The following EIF3CL variants were observed in gnomAD, a reference collection of about 807,000 sequenced individuals.
The protein encoded by EIF3CL is eukaryotic translation initiation factor 3 subunit C-like protein.
For synonymous variants in EIF3CL, 2 were observed against 19.6 expected, an observed-to-expected ratio of 0.10 and a Z score of 2.37; for missense variants, 5 against 56.1, an observed-to-expected ratio of 0.09 and a Z score of 2.91.
At chr16:28,386,811 T>C (rs2045606400) in intron 15 of EIF3CL, among the ~76,000 whole-genome samples, 1 of 66,266 alleles carries the variant, frequency 1.5e-5, no homozygotes. Flanking sequence ...ACACACCCCC[T>C]AAAAGATACA....
At chr16:28,416,985 G>A in the EIF3CL span, among the ~76,000 whole-genome samples, 39 of 94,576 alleles carry the variant, frequency 4.1e-4, no homozygotes, top group African/African-American at 1.4e-3. Flanking sequence ...CGCTCTGCCC[G>A]GCCAGCCGCC....
chr16:28,416,867 C>T, the EIF3CL span, among the ~76,000 whole-genome samples: 1 of 90,284 alleles, frequency 1.1e-5, no homozygotes, highest in African/African-American at 4.0e-5. Flanking sequence ...GCCAGCCGCC[C>T]CGTCCGGGAG....
At chr16:28,403,133 T>A (rs1344427392) in intron 2 of EIF3CL, among the ~76,000 whole-genome samples, 2 of 138,348 alleles carry the variant, frequency 1.4e-5, no homozygotes, top group Non-Finnish European at 3.2e-5. Flanking sequence ...GACTTCAGAG[T>A]CGCATCAGGG....
chr16:28,405,902 T>TACAC (rs534198201), upstream of EIF3CL, among the ~76,000 whole-genome samples: 1 of 61,362 alleles, frequency 1.6e-5, no homozygotes, highest in East Asian at 3.3e-4. Context: ...CACACACACA[T>TACAC]ACACACACAC....
In EIF3CL at chr16:28,384,153, T is replaced by G. The variant is rs1055409015; in HGVS notation, c.1822-672A>C. 2.9e-4 allele frequency among the ~76,000 whole-genome samples: 17 copies of G among 59,406 alleles called. 1 individual carries two copies. Among genetic ancestry groups the G allele is most frequent in the African/African-American group, 6.8e-4 (15 of 21,968 alleles). The allele number at this position is 59,406 out of a possible 152,430, so 39.0% of individuals were successfully genotyped here. A position where few individuals can be genotyped will look rare whatever the true frequency, so the allele number is the denominator to read the frequency against. The stretch of plus-strand genomic sequence containing the variant: ...GCGAGCACCAGCCATTTATGAGTTT[T>G]TTTTTTTTTTTTTTTTTGGAGACGG... On this transcript the variant is annotated intron_variant, in intron 15 of 20. Coordinates refer to ENST00000380876, the MANE Select transcript of EIF3CL (RefSeq NM_001317857.2).
At chr16:28,416,860 AG>A in the EIF3CL span, among the ~76,000 whole-genome samples, 1 of 79,186 alleles carries the variant, frequency 1.3e-5, no homozygotes, top group African/African-American at 4.5e-5. Context: ...CTGCCCGGCC[AG>A]CCGCCCCGTC....
At chr16:28,417,284 C>T in the EIF3CL span, among the ~76,000 whole-genome samples, 56 of 149,120 alleles carry the variant, frequency 3.8e-4, no homozygotes, top group African/African-American at 1.4e-3. Context: ...TGAGGAGCCC[C>T]TCTGACCGGC....
chr16:28,387,686 C>T (rs1283124346), intron 15 of EIF3CL, among the ~76,000 whole-genome samples: 1 of 148,522 alleles, frequency 6.7e-6, no homozygotes. Flanking sequence ...ACAGGTTCAC[C>T]AGGTGCTCTA....
the EIF3CL span, among the ~76,000 whole-genome samples, chr16:28,418,312 A>G: frequency 8.4e-6 from 1 of 119,582 alleles, no homozygotes; most frequent in Admixed American, 9.4e-5. Flanking sequence ...GGCATGCGCC[A>G]CCACGCCTGG....
the EIF3CL span, among the ~76,000 whole-genome samples, chr16:28,416,649 G>C: frequency 1.2e-5 from 1 of 82,212 alleles, no homozygotes; most frequent in Non-Finnish European, 2.6e-5. Flanking sequence ...CCTCCGCCCG[G>C]CAGCCGCCCC....
rs1281021578 is a variant in EIF3CL at position 28,391,932 on chromosome 16, T to C, written c.939+48A>G. 3 of 673,814 alleles carry C rather than the reference T, an allele frequency of 4.5e-6. 1 individual carries two copies. The highest frequency in any genetic ancestry group is 7.8e-6 in the Non-Finnish European group (3 of 383,832). The allele number at this position is 673,814 out of a possible 1,614,324, so 41.7% of individuals were successfully genotyped here. On this transcript the variant is annotated intron_variant, in intron 9 of 20. Coordinates refer to ENST00000380876, the MANE Select transcript of EIF3CL (RefSeq NM_001317857.2). ...CCTTTTCCCCACAAGGGGACCTTTA[T>C]GTCCTCCCAAACTGTTCCCCAATTC...
chr16:28,415,765 G>T, the EIF3CL span, among the ~76,000 whole-genome samples: 3 of 136,126 alleles, frequency 2.2e-5, no homozygotes, highest in Non-Finnish European at 3.1e-5. Context: ...AAAAAAAGTT[G>T]GAGGATTCAC....
At chr16:28,416,822 C>G in the EIF3CL span, among the ~76,000 whole-genome samples, 14 of 84,350 alleles carry the variant, frequency 1.7e-4, no homozygotes, top group African/African-American at 3.8e-4. Context: ...TCTGCCCGGC[C>G]GCCCCTACTG....
the EIF3CL span, among the ~76,000 whole-genome samples, chr16:28,417,871 G>A: frequency 1.5e-5 from 1 of 67,176 alleles, no homozygotes; most frequent in Non-Finnish European, 3.0e-5. Flanking sequence ...CTTTAGGAAT[G>A]CAAAAAAAAA....
chr16:28,414,910 T>G, the EIF3CL span: 1 of 516,488 alleles, frequency 1.9e-6, no homozygotes, highest in African/African-American at 2.1e-5. Context: ...GACGCCGGCC[T>G]CCGGGTCCCC....
At chr16:28,385,630 AG>A (rs1254319943) in intron 15 of EIF3CL, among the ~76,000 whole-genome samples, 5 of 57,636 alleles carry the variant, frequency 8.7e-5, no homozygotes, top group African/African-American at 2.8e-4. Flanking sequence ...CTACTCTTAT[AG>A]GTAATGTGGT....
At chr16:28,417,407 G>A in the EIF3CL span, among the ~76,000 whole-genome samples, 10 of 130,920 alleles carry the variant, frequency 7.6e-5, no homozygotes, top group Admixed American at 5.4e-4. Flanking sequence ...TTGAGAAATC[G>A]GATGGTTGCC....
chr16:28,386,657 G>A lies in EIF3CL; in HGVS notation c.1821+1401C>T, dbSNP rs2045604239. Among the ~76,000 whole-genome samples, 2 of 24,158 alleles carry A rather than the reference G, an allele frequency of 8.3e-5. 1 individual carries two copies. The highest frequency in any genetic ancestry group is 1.4e-4 in the Non-Finnish European group (2 of 14,380). 15.8% of individuals were successfully genotyped at this position (24,158 alleles called of 152,430 possible). On this transcript the variant is annotated intron_variant, in intron 15 of 20. Transcript: ENST00000380876. The stretch of plus-strand genomic sequence containing the variant: ...AATCCCAGCTACATGGGATGGTGAG[G>A]GAGGAGAATGGCTTGAACCTGGGAG...
At chr16:28,414,925 C>T in the EIF3CL span, 1 of 514,442 alleles carries the variant, frequency 1.9e-6, no homozygotes, top group East Asian at 5.8e-5. Context: ...GTCCCCAACT[C>T]TGAGGTCAGC....
Sources: allele counts gnomAD v4.1 joint callset (sites outside exome capture counted in the v4.1 genomes callset), GRCh38; gene constraint gnomAD v4.1.1; transcripts MANE v1.5; gene names NCBI Gene and HGNC (gene_info 2026-07-23, HGNC 2026-07-21).